The following SGCD variants were observed in gnomAD, a reference collection of about 807,000 sequenced individuals.
The protein encoded by SGCD is delta-sarcoglycan.
Under a neutral mutation model 36.6 loss-of-function variants are expected in SGCD, and 18 were observed. That is an observed-to-expected ratio of 0.49 (90% confidence interval 0.34 to 0.73). The LOEUF (loss-of-function observed/expected upper bound fraction) is 0.73, where lower values mean the gene tolerates loss of function less well. Among genes scored for constraint, SGCD ranks in the 30% least tolerant of loss-of-function variants. SGCD has a pLI of 0.01. For synonymous variants in SGCD, 133 were observed against 130.6 expected (o/e 1.02, Z -0.12); for missense variants, 387 against 346.7 (o/e 1.12, Z -0.92).
intron 3 of SGCD, among the ~76,000 whole-genome samples, chr5:156,316,694 A>G (rs752720487): frequency 5.3e-5 from 8 of 152,068 alleles, no homozygotes; most frequent in East Asian, 1.9e-4. Flanking sequence ...AGATGCCAAG[A>G]TTACATAATG....
chr5:155,751,473 T>A, the SGCD span, among the ~76,000 whole-genome samples: 3 of 152,130 alleles, frequency 2.0e-5, no homozygotes, highest in African/African-American at 7.2e-5. Context: ...CCGGCCTTGA[T>A]GTCCCCAGGC....
Position 156,348,301 on chromosome 5 carries a change from A to G in SGCD, c.192+3624A>G, listed in dbSNP as rs78523954. ...AAATAAAGGGCATCCAAATTGGGAA[A>G]GAGGAAGTCAAACTGTCTCTGTTTG... On this transcript the variant is annotated intron_variant, in intron 3 of 8. Coordinates refer to ENST00000337851, the MANE Select transcript of SGCD (RefSeq NM_000337.6). 8.8e-3 allele frequency among the ~76,000 whole-genome samples: 1,344 copies of G among 152,236 alleles called. 21 individuals carry two copies. The highest frequency in any genetic ancestry group is 0.03 in the African/African-American group (1,261 of 41,546).
intron 4 of SGCD, among the ~76,000 whole-genome samples, chr5:156,580,538 A>T (rs138078530): frequency 2.6e-5 from 4 of 152,200 alleles, no homozygotes; most frequent in Non-Finnish European, 5.9e-5. Context: ...AGGTACACCA[A>T]TGAAACGTAG....
intron 6 of SGCD, among the ~76,000 whole-genome samples, chr5:156,599,056 A>G (rs1351987039): frequency 6.6e-6 from 1 of 152,200 alleles, no homozygotes; most frequent in Non-Finnish European, 1.5e-5. Flanking sequence ...AAAGACTTGG[A>G]AATGACCACC....
chr5:156,454,776 T>C (rs1754178634), intron 3 of SGCD, among the ~76,000 whole-genome samples: 1 of 152,082 alleles, frequency 6.6e-6, no homozygotes, highest in Admixed American at 6.6e-5. Flanking sequence ...TGATTTGAGG[T>C]CAGGAGTGCT....
intron 4 of SGCD, among the ~76,000 whole-genome samples, chr5:156,525,613 A>T (rs112296294): frequency 2.0e-5 from 3 of 151,132 alleles, no homozygotes; most frequent in African/African-American, 7.3e-5. Flanking sequence ...TTTGCTTTTG[A>T]TTCCTATGCT....
chr5:156,279,604 T>C (rs1051564644), intron 3 of SGCD, among the ~76,000 whole-genome samples: 5 of 152,182 alleles, frequency 3.3e-5, no homozygotes, highest in Non-Finnish European at 7.4e-5. Flanking sequence ...ACCACCAGAA[T>C]GTGTTCCTCT....
At chr5:156,551,797 A>G (rs1365522010) in intron 4 of SGCD, among the ~76,000 whole-genome samples, 2 of 152,134 alleles carry the variant, frequency 1.3e-5, no homozygotes, top group African/African-American at 4.8e-5. Context: ...GCCATCCCTG[A>G]CACAGAAGTT....
At chr5:156,027,556 CA>C (rs1259962599) in intron 1 of SGCD, among the ~76,000 whole-genome samples, 4 of 151,978 alleles carry the variant, frequency 2.6e-5, no homozygotes, top group Admixed American at 1.3e-4. Flanking sequence ...CCTTAGATGA[CA>C]GGGGAGGTGG....
At chr5:155,877,509 G>C (rs1466324673) in intron 1 of SGCD, among the ~76,000 whole-genome samples, 1 of 152,066 alleles carries the variant, frequency 6.6e-6, no homozygotes, top group Non-Finnish European at 1.5e-5. Context: ...AACAGTATCT[G>C]TACTTGGTAA....
intron 3 of SGCD, among the ~76,000 whole-genome samples, chr5:156,207,931 C>T (rs1364120186): frequency 6.6e-6 from 1 of 152,048 alleles, no homozygotes; most frequent in Non-Finnish European, 1.5e-5. Context: ...TACTTATAGT[C>T]TTCATCCATT....
intron 4 of SGCD, among the ~76,000 whole-genome samples, chr5:156,550,619 G>A (rs373091239): frequency 2.6e-5 from 4 of 152,144 alleles, no homozygotes; most frequent in Admixed American, 6.6e-5. Flanking sequence ...AATTTTATTC[G>A]TTTGCTTCTG....
At chr5:155,814,628 C>T in the SGCD span, among the ~76,000 whole-genome samples, 7 of 152,136 alleles carry the variant, frequency 4.6e-5, no homozygotes, top group Admixed American at 2.0e-4. Context: ...ATCGTGAGTG[C>T]AACAGTTGAA....
chr5:156,005,143 TTAACTC>T (rs991441165), intron 1 of SGCD, among the ~76,000 whole-genome samples: 1 of 152,106 alleles, frequency 6.6e-6, no homozygotes, highest in African/African-American at 2.4e-5. Flanking sequence ...TAATAGGAAA[TTAACTC>T]TAGAGTTACA....
chr5:156,618,225 T>C (rs1451381103), intron 6 of SGCD, among the ~76,000 whole-genome samples: 1 of 152,136 alleles, frequency 6.6e-6, no homozygotes, highest in African/African-American at 2.4e-5. Context: ...ATAGTAACAT[T>C]TGAGTAATAA....
chr5:155,988,413 T>A (rs1047319847), intron 1 of SGCD, among the ~76,000 whole-genome samples: 2 of 152,132 alleles, frequency 1.3e-5, no homozygotes, highest in African/African-American at 4.8e-5. Flanking sequence ...ACTCTGAGTG[T>A]CAGGGAGAAC....
chr5:155,961,689 T>C (rs955663686), intron 1 of SGCD, among the ~76,000 whole-genome samples: 2 of 152,122 alleles, frequency 1.3e-5, no homozygotes, highest in Non-Finnish European at 2.9e-5. Flanking sequence ...AGTAGGAAAG[T>C]AAGGTATTTA....
At chr5:156,745,278 A>G (rs751732025) in intron 7 of SGCD, among the ~76,000 whole-genome samples, 2 of 152,176 alleles carry the variant, frequency 1.3e-5, no homozygotes, top group Non-Finnish European at 2.9e-5. Context: ...CTCAGCACTG[A>G]ATGAAAGGGG....
At chr5:156,375,030 A>C (rs949628742) in intron 3 of SGCD, among the ~76,000 whole-genome samples, 6 of 152,184 alleles carry the variant, frequency 3.9e-5, no homozygotes, top group Non-Finnish European at 8.8e-5. Context: ...GATTTACCAA[A>C]AAATTGCAAG....
Sources: gnomAD v4.1 joint callset for allele counts (sites outside exome capture counted in the v4.1 genomes callset) on GRCh38, gnomAD v4.1.1 for gene constraint, MANE v1.5 for transcripts, NCBI Gene and HGNC (gene_info 2026-07-23, HGNC 2026-07-21) for gene names.